WDR49: variants seen among roughly 807,000 people sequenced by gnomAD.
The protein encoded by WDR49 is cilia- and flagella-associated protein 337.
A neutral mutation model predicts 119.5 loss-of-function variants in WDR49; 107 were observed. That is an observed-to-expected ratio of 0.90 (90% CI 0.77 to 1.05). The LOEUF (loss-of-function observed/expected upper bound fraction) is 1.05. Among genes scored for constraint, WDR49 ranks in the 50% least tolerant of loss-of-function variants. WDR49 has a pLI of 0.00. For missense variants in WDR49, 1,240 were observed against 1,220.5 expected, an observed-to-expected ratio of 1.02 and a Z score of -0.24; for synonymous variants, 425 against 418.8, an observed-to-expected ratio of 1.01 and a Z score of -0.18.
chr3:167,554,316 T>C (rs1210614208), intron 10 of WDR49, among the ~76,000 whole-genome samples: 1 of 152,160 alleles, frequency 6.6e-6, no homozygotes, highest in Non-Finnish European at 1.5e-5. Context: ...GTAATGAGTT[T>C]CCTTTACAGT....
At chr3:167,629,961 G>C (rs1717295844) in intron 2 of WDR49, among the ~76,000 whole-genome samples, 1 of 152,124 alleles carries the variant, frequency 6.6e-6, no homozygotes, top group Non-Finnish European at 1.5e-5. Context: ...TCCCGTTGAA[G>C]ATGCTATACA....
chr3:167,565,953 G>T (rs575162856), intron 8 of WDR49, among the ~76,000 whole-genome samples: 1 of 152,132 alleles, frequency 6.6e-6, no homozygotes, highest in Admixed American at 6.5e-5. Flanking sequence ...TTCTACAAGG[G>T]ATGTATTATA....
chr3:167,625,656 T>C (rs1253866714), intron 3 of WDR49, among the ~76,000 whole-genome samples: 1 of 151,960 alleles, frequency 6.6e-6, no homozygotes, highest in Non-Finnish European at 1.5e-5. Context: ...CAGCAACAAC[T>C]GCTAACATCT....
Position 167,620,115 on chromosome 3 carries a change from G to C in WDR49, c.958+314C>G, listed in dbSNP as rs547516483. On this transcript the variant is annotated intron_variant, in intron 5 of 18. Transcript: ENST00000682715. Reference sequence around the variant, plus strand: ...TATTAAACAGCCCTGAATGTAACTAGATGAGATTAGCTAGGCTCAGAGTTG... The same window carrying C: ...TATTAAACAGCCCTGAATGTAACTACATGAGATTAGCTAGGCTCAGAGTTG... Among the ~76,000 whole-genome samples the C allele has an allele frequency of 5.9e-5, 9 of 152,242 alleles. No homozygotes were observed. The East Asian group carries it at 1.7e-3, about 29-fold the overall frequency.
intron 7 of WDR49, among the ~76,000 whole-genome samples, chr3:167,585,910 A>G (rs1457795809): frequency 1.3e-5 from 2 of 152,154 alleles, no homozygotes; most frequent in African/African-American, 4.8e-5. Context: ...ATGCTTCCTC[A>G]TCATTTGCAA....
intron 16 of WDR49, among the ~76,000 whole-genome samples, chr3:167,511,153 C>T (rs1342615103): frequency 6.6e-6 from 1 of 151,996 alleles, no homozygotes; most frequent in Non-Finnish European, 1.5e-5. Flanking sequence ...GATCATATTC[C>T]TGGGAGAACT....
chr3:167,554,123 T>C (rs1377355191), intron 10 of WDR49, among the ~76,000 whole-genome samples: 4 of 151,582 alleles, frequency 2.6e-5, no homozygotes, highest in Non-Finnish European at 1.5e-5. Context: ...CTTAGTTCTG[T>C]CAGGAAAAAA....
chr3:167,655,813 G>A (rs529341485), upstream of WDR49, among the ~76,000 whole-genome samples: 4 of 152,032 alleles, frequency 2.6e-5, no homozygotes, highest in African/African-American at 4.8e-5. Flanking sequence ...CAGGAGAATC[G>A]CTTGAACCTG....
chr3:167,536,921 G>A lies in WDR49; in HGVS notation c.1903C>T (p.His635Tyr). ...AACGCAGCACACAAGATGTCATCAT[G>A]GTGCTGTATACCTCCTTTCCATTCT... is the stretch of plus-strand genomic sequence containing the variant. The part of the protein sequence containing the change: ...PEEWKGGIQH[H>Y]DDILCAAFLP... The change falls in exon 11 of 19, where the codon CAT becomes TAT. Residue 635 changes from histidine (H) to tyrosine (Y), a missense_variant. Transcript: ENST00000682715. 2 of 1,558,196 alleles carry A rather than the reference G, an allele frequency of 1.3e-6. No homozygotes were observed. Among genetic ancestry groups the A allele is most frequent in the Non-Finnish European group, 1.7e-6 (2 of 1,152,664 alleles).
chr3:167,562,316 T>C (rs1265777782), intron 8 of WDR49, among the ~76,000 whole-genome samples: 1 of 152,116 alleles, frequency 6.6e-6, no homozygotes, highest in Non-Finnish European at 1.5e-5. Flanking sequence ...TAAGAGATTC[T>C]CAACTAACAA....
chr3:167,527,413 GT>G (rs140992653), intron 15 of WDR49, among the ~76,000 whole-genome samples: 1 of 150,854 alleles, frequency 6.6e-6, no homozygotes, highest in Non-Finnish European at 1.5e-5. Context: ...AGGATGATTG[GT>G]TTTTTTTTCT....
rs769054353 is a variant in WDR49, at chr3:167,604,452, A to C, written c.975T>G (p.Ser325=). The C allele has an allele frequency of 4.3e-6, 7 of 1,611,318 alleles. No homozygotes were observed. The highest frequency in any genetic ancestry group is 5.9e-6 in the Non-Finnish European group (7 of 1,179,076). The change falls in exon 6 of 19, where the codon TCT becomes TCG. Residue 325 remains serine (S), a synonymous_variant. Transcript: ENST00000682715. The part of the protein sequence containing the change: ...DWVRQVTYNA[S]LDAIISSTTS... ...TTGTACTGGAAATGATAGCGTCTAA[A>C]GATGCATTGTAAGTAACTGATAAAA...
Position 167,621,459 on chromosome 3 carries a change from T to C in WDR49, c.783+8A>G. ...CATAGTATTCAATCTTAATCTACCC[T>C]CACTTACCTTTCCAGTTATATCCCC... On this transcript the variant is annotated splice_region_variant and intron_variant, in intron 4 of 18. Coordinates refer to ENST00000682715, the MANE Select transcript of WDR49 (RefSeq NM_001366157.1). The C allele has an allele frequency of 6.6e-7, 1 of 1,521,352 alleles. No individual in the cohort carries two copies. Among genetic ancestry groups the C allele is most frequent in the Non-Finnish European group, 8.8e-7 (1 of 1,139,288 alleles). 94.2% of individuals were successfully genotyped at this position (1,521,352 alleles called of 1,614,324 possible).
chr3:167,553,867 GA>G (rs1266050396), intron 10 of WDR49, among the ~76,000 whole-genome samples: 1 of 152,028 alleles, frequency 6.6e-6, no homozygotes, highest in African/African-American at 2.4e-5. Context: ...ATTTGCATTA[GA>G]AAAAACTCTT....
intron 8 of WDR49, chr3:167,574,977 A>G: frequency 1.3e-6 from 1 of 776,396 alleles, no homozygotes; most frequent in Non-Finnish European, 1.6e-6. Flanking sequence ...TTAAATAGTG[A>G]CACGACACAC....
rs780116073 is a variant in WDR49, at chr3:167,500,151, A to G, written c.3031+2T>C. 1.3e-6 allele frequency: 2 copies of G among 1,563,018 alleles called. No individual in the cohort carries two copies. Among genetic ancestry groups the G allele is most frequent in the Non-Finnish European group, 1.7e-6 (2 of 1,164,512 alleles). On this transcript the variant is annotated splice_donor_variant, in intron 18 of 18. Transcript: ENST00000682715. LOFTEE classifies it high-confidence loss of function. ...AGAGGTGTATGATGGCTGAGAACTT[A>G]CTTTTAAAAAGTGACGGGGCCTCCA...
At chr3:167,601,486 T>C (rs897462975) in intron 7 of WDR49, among the ~76,000 whole-genome samples, 6 of 152,278 alleles carry the variant, frequency 3.9e-5, no homozygotes, top group Non-Finnish European at 7.4e-5. Flanking sequence ...ATTAGTAAGA[T>C]TGAAGCTTTA....
intron 10 of WDR49, among the ~76,000 whole-genome samples, chr3:167,552,988 A>G (rs1712661255): frequency 1.3e-5 from 2 of 152,036 alleles, no homozygotes; most frequent in African/African-American, 4.8e-5. Context: ...TTTCTTCTCT[A>G]ATCACTAAAC....
At chr3:167,637,117 T>C (rs980607750) in intron 2 of WDR49, among the ~76,000 whole-genome samples, 3 of 151,964 alleles carry the variant, frequency 2.0e-5, no homozygotes, top group Non-Finnish European at 2.9e-5. Flanking sequence ...AGAATTTTTA[T>C]AGTTTCAGGT....
Sources: allele counts gnomAD v4.1 joint callset (sites outside exome capture counted in the v4.1 genomes callset), GRCh38; gene constraint gnomAD v4.1.1; transcripts MANE v1.5; gene names NCBI Gene and HGNC (gene_info 2026-07-23, HGNC 2026-07-21).